Variants in PARD3B observed in about 807,000 individuals in gnomAD.
PARD3B encodes par-3 family cell polarity regulator beta.
PARD3B carries 103 observed loss-of-function variants against 130.2 expected under a neutral mutation model. The observed-to-expected ratio is 0.79, with a 90% CI of 0.67 to 0.93. PARD3B has a LOEUF of 0.93. PARD3B is among the 40% of genes least tolerant of loss of function. PARD3B has a pLI of 0.00. For missense variants in PARD3B, 1,609 were observed against 1,499.2 expected (o/e 1.07, Z -1.21); for synonymous variants, 583 against 553.2 (o/e 1.05, Z -0.76).
intron 2 of PARD3B, among the ~76,000 whole-genome samples, chr2:204,741,450 C>G (rs1277016962): frequency 6.6e-6 from 1 of 152,058 alleles, no homozygotes; most frequent in Non-Finnish European, 1.5e-5. Flanking sequence ...TAGTAGCCAC[C>G]TGCGACACTA....
chr2:205,251,822 A>G (rs1414089240), intron 16 of PARD3B, among the ~76,000 whole-genome samples: 2 of 152,146 alleles, frequency 1.3e-5, no homozygotes. Flanking sequence ...TTAAGATATG[A>G]CAGCATGGTT....
At chr2:205,074,579 T>G (rs1388391835) in intron 4 of PARD3B, among the ~76,000 whole-genome samples, 1 of 152,194 alleles carries the variant, frequency 6.6e-6, no homozygotes, top group African/African-American at 2.4e-5. Flanking sequence ...GAAAATGCTG[T>G]GATCAGGTGA....
At chr2:204,730,593 A>G (rs2039466711) in intron 2 of PARD3B, among the ~76,000 whole-genome samples, 1 of 151,918 alleles carries the variant, frequency 6.6e-6, no homozygotes, top group Non-Finnish European at 1.5e-5. Flanking sequence ...AAGAAAAAAA[A>G]AAAAAGTAGT....
intron 4 of PARD3B, among the ~76,000 whole-genome samples, chr2:205,099,461 G>A (rs1448893532): frequency 6.6e-6 from 1 of 151,988 alleles, no homozygotes; most frequent in Non-Finnish European, 1.5e-5. Context: ...ATTTAAATAA[G>A]CAATGAGGAA....
At chr2:204,718,560 C>A (rs2038847745) in intron 2 of PARD3B, among the ~76,000 whole-genome samples, 1 of 152,134 alleles carries the variant, frequency 6.6e-6, no homozygotes, top group Non-Finnish European at 1.5e-5. Context: ...CCTTCCTTGA[C>A]ATGTGGGGAT....
chr2:204,901,792 G>A (rs906052104), intron 2 of PARD3B, among the ~76,000 whole-genome samples: 15 of 152,090 alleles, frequency 9.9e-5, no homozygotes, highest in Admixed American at 6.5e-4. Context: ...CAGATCCCAA[G>A]GGCTCTTTAG....
chr2:205,574,034 A>C (rs1247870340), intron 22 of PARD3B, among the ~76,000 whole-genome samples: 1 of 152,224 alleles, frequency 6.6e-6, no homozygotes, highest in Non-Finnish European at 1.5e-5. Context: ...TGACAGCTTC[A>C]CCGCAGAATA....
At chr2:204,917,954 GT>G (rs150619895) in intron 2 of PARD3B, among the ~76,000 whole-genome samples, 3 of 152,068 alleles carry the variant, frequency 2.0e-5, no homozygotes, top group Non-Finnish European at 4.4e-5. Context: ...ATAGTGACAG[GT>G]TTTTTCTTAG....
At chr2:204,656,731 C>A (rs1359506323) in intron 1 of PARD3B, among the ~76,000 whole-genome samples, 1 of 152,162 alleles carries the variant, frequency 6.6e-6, no homozygotes, top group Non-Finnish European at 1.5e-5. Context: ...CTTCTACATT[C>A]TAAATATTTT....
intron 1 of PARD3B, among the ~76,000 whole-genome samples, chr2:204,567,730 G>A (rs1312835662): frequency 2.0e-5 from 3 of 152,208 alleles, no homozygotes; most frequent in Admixed American, 6.5e-5. Flanking sequence ...TGTATACCCA[G>A]AAGTAGAATT....
At chr2:205,488,268 G>A (rs559308560) in intron 20 of PARD3B, among the ~76,000 whole-genome samples, 3 of 151,938 alleles carry the variant, frequency 2.0e-5, no homozygotes, top group East Asian at 3.9e-4. Flanking sequence ...AGGGCGGGGG[G>A]TGTTGGGGGT....
chr2:205,125,089 G>T lies in PARD3B; in HGVS notation c.1306-520G>T, dbSNP rs1170050267. On this transcript the variant is annotated intron_variant, in intron 9 of 22. Transcript: ENST00000406610. The surrounding 1 kb of genome is among the most constrained non-coding windows in gnomAD (Gnocchi z 4.0). ...AAGCAACACTTTAGCTTTTCATGTTGTTCTAGATCATGAAAGAAGATGCAC... is the reference window on the plus strand; with the variant it reads ...AAGCAACACTTTAGCTTTTCATGTTTTTCTAGATCATGAAAGAAGATGCAC... Among the ~76,000 whole-genome samples the T allele has an allele frequency of 1.3e-5, 2 of 152,252 alleles. No homozygotes were observed. The highest frequency in any genetic ancestry group is 2.4e-5 in the African/African-American group (1 of 41,544).
In PARD3B at chr2:205,158,757, G is replaced by A. The variant is rs1157965435; in HGVS notation, c.1470G>A (p.Glu490=). The A allele has an allele frequency of 1.2e-6, 2 of 1,614,152 alleles. No individual in the cohort carries two copies. Among genetic ancestry groups the A allele is most frequent in the Middle Eastern group, 1.7e-4 (1 of 6,052 alleles). ...CTGACTGCTGTGCACTCTCTCTGGAGACAAGCGAGCAGCTCACCTTTGAGA... is the reference window on the plus strand; with the variant it reads ...CTGACTGCTGTGCACTCTCTCTGGAAACAAGCGAGCAGCTCACCTTTGAGA... ...GEPDCCALSL[E]TSEQLTFEIP... The change falls in exon 11 of 23, where the codon GAG becomes GAA. Residue 490 remains glutamate (E), a synonymous_variant. Transcript: ENST00000406610. This position sits in a 1 kb window ranked among gnomAD's most constrained non-coding sequence, Gnocchi z 5.4.
At chr2:205,344,290 A>T (rs2043665358) in intron 18 of PARD3B, among the ~76,000 whole-genome samples, 1 of 151,928 alleles carries the variant, frequency 6.6e-6, no homozygotes, top group Non-Finnish European at 1.5e-5. Context: ...AGAGACATAC[A>T]GGCATGTGGA....
At chr2:204,752,477 C>A (rs1349453736) in intron 2 of PARD3B, among the ~76,000 whole-genome samples, 1 of 152,126 alleles carries the variant, frequency 6.6e-6, no homozygotes, top group Non-Finnish European at 1.5e-5. Context: ...AAAATGGTAT[C>A]TTTATAAACT....
chr2:204,660,488 T>C (rs1054431731), intron 1 of PARD3B, among the ~76,000 whole-genome samples: 2 of 152,158 alleles, frequency 1.3e-5, no homozygotes, highest in African/African-American at 4.8e-5. Flanking sequence ...ATATAAGACA[T>C]AGAAATGTAT....
In PARD3B at chr2:205,208,669, G is replaced by A. The variant is rs1479682310; in HGVS notation, c.2140+15349G>A. On this transcript the variant is annotated intron_variant, in intron 15 of 22. Coordinates refer to ENST00000406610, the MANE Select transcript of PARD3B (RefSeq NM_001302769.2). ...TAGGAATCCAACTTACAAGGGATGGGAAGGACCTCTTCAAGGAGAACTACA... is the reference window on the plus strand; with the variant it reads ...TAGGAATCCAACTTACAAGGGATGGAAAGGACCTCTTCAAGGAGAACTACA... Among the ~76,000 whole-genome samples the A allele has an allele frequency of 2.8e-5, 4 of 144,604 alleles. 1 individual carries two copies. The highest frequency in any genetic ancestry group is 1.1e-4 in the African/African-American group (4 of 37,312). The allele number at this position is 144,604 out of a possible 152,430, so 94.9% of individuals were successfully genotyped here.
At chr2:204,747,404 A>G (rs941793668) in intron 2 of PARD3B, among the ~76,000 whole-genome samples, 4 of 152,166 alleles carry the variant, frequency 2.6e-5, no homozygotes, top group Non-Finnish European at 5.9e-5. Flanking sequence ...AAGGGGAACT[A>G]TAAACCACTG....
chr2:205,275,355 A>C (rs554926825), intron 16 of PARD3B, among the ~76,000 whole-genome samples: 7 of 152,286 alleles, frequency 4.6e-5, no homozygotes, highest in Admixed American at 4.6e-4. Context: ...CATGAATTAC[A>C]AGTTCATGTG....
Sources: gnomAD v4.1 joint callset for allele counts (sites outside exome capture counted in the v4.1 genomes callset) on GRCh38, gnomAD v4.1.1 for gene constraint, Gnocchi (gnomAD v3.1) non-coding constraint, MANE v1.5 for transcripts, NCBI Gene and HGNC (gene_info 2026-07-23, HGNC 2026-07-21) for gene names.